The following CSMD1 variants were observed in gnomAD, a reference collection of about 807,000 sequenced individuals.
The protein encoded by CSMD1 is CUB and sushi domain-containing protein 1.
CSMD1 carries 213 observed loss-of-function variants against 417.5 expected under a neutral mutation model. The ratio of observed to expected loss-of-function variants is 0.51; its 90% CI spans 0.46 to 0.57. The LOEUF is 0.57. Ranked by LOEUF, CSMD1 falls within the 20% of genes least tolerant of loss-of-function variation. The pLI, the probability that CSMD1 is intolerant of heterozygous loss-of-function variation, is 0.00. For missense variants in CSMD1, 6,923 were observed against 4,529.7 expected (o/e 1.53, Z -15.17); for synonymous variants, 2,862 against 1,736.8 (o/e 1.65, Z -16.11).
intron 3 of CSMD1, among the ~76,000 whole-genome samples, chr8:4,068,330 A>C (rs1379006273): frequency 6.6e-6 from 1 of 152,164 alleles, no homozygotes; most frequent in African/African-American, 2.4e-5. Flanking sequence ...TGAGGCCAGC[A>C]TGAGAGTGGG....
At chr8:3,926,014 TACACACACACACAC>T (rs10635075) in intron 5 of CSMD1, among the ~76,000 whole-genome samples, 4 of 123,390 alleles carry the variant, frequency 3.2e-5, no homozygotes, top group African/African-American at 9.7e-5. Flanking sequence ...TATTTGTCTA[TACACACACACACAC>T]ACACACACAC....
chr8:4,005,472 G>A (rs1027406984), intron 4 of CSMD1, among the ~76,000 whole-genome samples: 2 of 152,120 alleles, frequency 1.3e-5, no homozygotes, highest in Admixed American at 1.3e-4. Context: ...TGGCCGACAT[G>A]AACACTGAAT....
intron 52 of CSMD1, among the ~76,000 whole-genome samples, chr8:3,001,153 A>G (rs1467391639): frequency 1.3e-5 from 2 of 151,786 alleles, no homozygotes; most frequent in African/African-American, 4.8e-5. Flanking sequence ...TGCCTGAGTA[A>G]TTTTTTTATT....
intron 3 of CSMD1, among the ~76,000 whole-genome samples, chr8:4,104,713 C>A (rs745853002): frequency 2.0e-5 from 3 of 152,196 alleles, no homozygotes; most frequent in Non-Finnish European, 4.4e-5. Flanking sequence ...TAGCTGGCAA[C>A]AGTCCCAAGA....
chr8:4,113,151 T>C (rs1023405325), intron 3 of CSMD1, among the ~76,000 whole-genome samples: 2 of 152,094 alleles, frequency 1.3e-5, no homozygotes, highest in Non-Finnish European at 2.9e-5. Context: ...TATCTTACTC[T>C]CCCTCCTCGG....
At chr8:4,525,406 A>T (rs1483068627) in intron 2 of CSMD1, among the ~76,000 whole-genome samples, 4 of 152,196 alleles carry the variant, frequency 2.6e-5, no homozygotes, top group Non-Finnish European at 5.9e-5. Flanking sequence ...ACCAACTGTC[A>T]TTCCCAACAA....
At chr8:3,348,411 T>A (rs1254063423) in intron 21 of CSMD1, among the ~76,000 whole-genome samples, 1 of 152,192 alleles carries the variant, frequency 6.6e-6, no homozygotes, top group Admixed American at 6.5e-5. Flanking sequence ...GGAAGCAGCA[T>A]GCTATCATAC....
chr8:3,943,378 T>C lies in CSMD1; in HGVS notation c.818+54525A>G, dbSNP rs536763031. ...TTTTGTTAAAAAAAAAAAAGTCAGATAGCTAAGTTATATTAGAATGTCTTA... is the reference window on the plus strand; with the variant it reads ...TTTTGTTAAAAAAAAAAAAGTCAGACAGCTAAGTTATATTAGAATGTCTTA... On this transcript the variant is annotated intron_variant, in intron 5 of 69. Transcript: ENST00000635120. Among the ~76,000 whole-genome samples, 11 of 146,876 alleles carry C rather than the reference T, an allele frequency of 7.5e-5. No individual in the cohort carries two copies. The East Asian group carries it at 2.0e-3, about 27-fold the overall frequency.
chr8:3,850,941 C>A (rs971944608), intron 5 of CSMD1, among the ~76,000 whole-genome samples: 1 of 152,116 alleles, frequency 6.6e-6, no homozygotes, highest in East Asian at 1.9e-4. Flanking sequence ...AGAATTACTT[C>A]TTTTAACTTG....
At chr8:4,323,052 C>A (rs1268465980) in intron 3 of CSMD1, among the ~76,000 whole-genome samples, 3 of 152,072 alleles carry the variant, frequency 2.0e-5, no homozygotes, top group African/African-American at 4.8e-5. Context: ...AAGATTTTGA[C>A]CAGCCTACAA....
chr8:4,513,183 G>A (rs978201584), intron 2 of CSMD1, among the ~76,000 whole-genome samples: 1 of 152,150 alleles, frequency 6.6e-6, no homozygotes, highest in Admixed American at 6.5e-5. Context: ...TAGGTTCATT[G>A]ATTGTAATAA....
intron 10 of CSMD1, among the ~76,000 whole-genome samples, chr8:3,574,131 A>AAAGTATTT (rs1563166146): frequency 1.3e-5 from 2 of 152,246 alleles, no homozygotes; most frequent in Admixed American, 1.3e-4. Flanking sequence ...TATTTTACAC[A>AAAGTATTT]AAGTATTTAA....
intron 7 of CSMD1, among the ~76,000 whole-genome samples, chr8:3,673,090 C>T (rs1361368145): frequency 6.6e-6 from 1 of 152,024 alleles, no homozygotes; most frequent in Non-Finnish European, 1.5e-5. Flanking sequence ...TCAATAAATG[C>T]TTACTGAGTT....
rs368413996 is a variant in CSMD1 at position 4,123,849 on chromosome 8, G to T, written c.416-91750C>A. On this transcript the variant is annotated intron_variant, in intron 3 of 69. Coordinates refer to ENST00000635120, the MANE Select transcript of CSMD1 (RefSeq NM_033225.6). ...AGGACCTATAGAGAATGAGAACACG[G>T]AACTTTCAACGAGATACACATTCCA... Among the ~76,000 whole-genome samples the T allele has an allele frequency of 2.4e-4, 37 of 152,168 alleles. 1 individual carries two copies. Among genetic ancestry groups the T allele is most frequent in the African/African-American group, 8.2e-4 (34 of 41,512 alleles).
intron 3 of CSMD1, among the ~76,000 whole-genome samples, chr8:4,358,385 G>C (rs1309677930): frequency 6.6e-6 from 1 of 152,144 alleles, no homozygotes; most frequent in African/African-American, 2.4e-5. Flanking sequence ...AAAAGAAAAA[G>C]AAGGGGACTG....
rs552852044 is a variant in CSMD1 at position 4,886,105 on chromosome 8, C to T, written c.85+108227G>A. 1.7e-3 allele frequency among the ~76,000 whole-genome samples: 254 copies of T among 152,236 alleles called. 1 individual carries two copies. The highest frequency in any genetic ancestry group is 5.5e-3 in the African/African-American group (229 of 41,498). ...TCCCAGGTTCAGACGATCCTCCTGC[C>T]TCAGCCTCCTGAGTAGCTGAGACCA... On this transcript the variant is annotated intron_variant, in intron 1 of 69. Coordinates refer to ENST00000635120, the MANE Select transcript of CSMD1 (RefSeq NM_033225.6).
rs375593222 is a variant in CSMD1 at position 4,353,555 on chromosome 8, C to A, written c.415+66398G>T. ...AATCAGACCTTTCCTAGGAAATATA[C>A]TAGATCACGAATAAAGCCCAAAGTA... is the stretch of plus-strand genomic sequence containing the variant. On this transcript the variant is annotated intron_variant, in intron 3 of 69. Coordinates refer to ENST00000635120, the MANE Select transcript of CSMD1 (RefSeq NM_033225.6). 3.3e-5 allele frequency among the ~76,000 whole-genome samples: 5 copies of A among 151,956 alleles called. No homozygotes were observed. The East Asian group carries it at 7.7e-4, about 24-fold the overall frequency.
chr8:3,460,275 G>A (rs1277584327), intron 12 of CSMD1, among the ~76,000 whole-genome samples: 5 of 152,218 alleles, frequency 3.3e-5, no homozygotes, highest in Admixed American at 2.0e-4. Flanking sequence ...GGGGAGATAC[G>A]TGTGCAAAGG....
In CSMD1 at chr8:4,832,634, A is replaced by C. The variant is rs139534074; in HGVS notation, c.85+161698T>G. Among the ~76,000 whole-genome samples the C allele has an allele frequency of 6.5e-3, 994 of 152,340 alleles. 8 individuals carry two copies. The highest frequency in any genetic ancestry group is 0.011 in the Non-Finnish European group (754 of 68,030). ...AGGGATTATAGTAAGTGTCAAATCT[A>C]TCTGCTAAATGCTTTAAATATATAT... On this transcript the variant is annotated intron_variant, in intron 1 of 69. Coordinates refer to ENST00000635120, the MANE Select transcript of CSMD1 (RefSeq NM_033225.6).
Sources: allele counts gnomAD v4.1 joint callset (sites outside exome capture counted in the v4.1 genomes callset), GRCh38; gene constraint gnomAD v4.1.1; transcripts MANE v1.5; gene names NCBI Gene and HGNC (gene_info 2026-07-23, HGNC 2026-07-21).